The following HMGB1 variants were observed in gnomAD, a reference collection of about 807,000 sequenced individuals.
HMGB1 encodes high mobility group box 1, also known as high mobility group protein B1.
For synonymous variants in HMGB1, 81 were observed against 84.0 expected, an observed-to-expected ratio of 0.96 and a Z score of 0.19; for missense variants, 79 against 253.5, an observed-to-expected ratio of 0.31 and a Z score of 4.67.
At chr13:30,527,133 G>A (rs966515746) in intron 1 of HMGB1, among the ~76,000 whole-genome samples, 2 of 152,334 alleles carry the variant, frequency 1.3e-5, no homozygotes, top group South Asian at 2.1e-4. Flanking sequence ...TGTGCATCCG[G>A]TGCTGAACCT....
chr13:30,463,854 T>C, intron 1 of HMGB1, 160 bp from the exon 2 acceptor site: 2 of 581,308 alleles, frequency 3.4e-6, no homozygotes, highest in South Asian at 4.8e-5. Context: ...AGAGATTAAA[T>C]TCCTTGAAGG....
At chr13:30,512,495 G>C (rs17068100) in intron 1 of HMGB1, among the ~76,000 whole-genome samples, 15,156 of 152,270 alleles carry the variant, frequency 0.1, 1,125 homozygotes, top group African/African-American at 0.19. Context: ...ATGCCCTTCA[G>C]TAGTTTGATT....
At chr13:30,564,311 G>C (rs1870092954) in intron 1 of HMGB1, among the ~76,000 whole-genome samples, 1 of 150,146 alleles carries the variant, frequency 6.7e-6, no homozygotes, top group African/African-American at 2.5e-5. Flanking sequence ...ATTTAGCTGG[G>C]TTTTGGTGGC....
At chr13:30,549,699 C>T (rs1402356517) in intron 1 of HMGB1, among the ~76,000 whole-genome samples, 1 of 123,632 alleles carries the variant, frequency 8.1e-6, no homozygotes, top group Non-Finnish European at 1.7e-5. Flanking sequence ...CTGGCACAAA[C>T]ACTAATTGTT....
chr13:30,528,701 CAGGGGA>C (rs1888425886), intron 1 of HMGB1, among the ~76,000 whole-genome samples: 1 of 152,022 alleles, frequency 6.6e-6, no homozygotes, highest in East Asian at 1.9e-4. Context: ...GCGAAAGAAT[CAGGGGA>C]AACATCCTCA....
chr13:30,545,897 T>C (rs180873406), intron 1 of HMGB1, among the ~76,000 whole-genome samples: 1 of 152,106 alleles, frequency 6.6e-6, no homozygotes, highest in East Asian at 1.9e-4. Context: ...AAACGGGTTT[T>C]CAACATGTTG....
chr13:30,583,713 C>CTTGGGAGGTA (rs1871009600), intron 1 of HMGB1, among the ~76,000 whole-genome samples: 1 of 151,338 alleles, frequency 6.6e-6, no homozygotes, highest in Non-Finnish European at 1.5e-5. Flanking sequence ...GTGGCATGCA[C>CTTGGGAGGTA]CTGTAGTCTC....
At chr13:30,568,286 C>T (rs1179609410) in intron 1 of HMGB1, among the ~76,000 whole-genome samples, 1 of 152,108 alleles carries the variant, frequency 6.6e-6, no homozygotes, top group Non-Finnish European at 1.5e-5. Flanking sequence ...GTGGGAGAAT[C>T]GTTGGAGCCC....
chr13:30,554,501 T>C (rs1869587687), intron 1 of HMGB1: 2 of 1,033,684 alleles, frequency 1.9e-6, no homozygotes, highest in East Asian at 2.4e-5. Flanking sequence ...AGGAGCAAAA[T>C]GTATAAAGGT....
chr13:30,491,143 C>T (rs1887481955), intron 1 of HMGB1, among the ~76,000 whole-genome samples: 1 of 152,108 alleles, frequency 6.6e-6, no homozygotes, highest in African/African-American at 2.4e-5. Context: ...ATTCTCCTGC[C>T]TCAGCCTCCC....
intron 1 of HMGB1, among the ~76,000 whole-genome samples, chr13:30,512,188 G>T (rs543369305): frequency 7.2e-5 from 11 of 152,146 alleles, no homozygotes; most frequent in Non-Finnish European, 1.5e-4. Flanking sequence ...TAAATCAAAA[G>T]GATGCCTGCT....
intron 1 of HMGB1, among the ~76,000 whole-genome samples, chr13:30,586,909 T>C (rs1871177921): frequency 6.6e-6 from 1 of 152,208 alleles, no homozygotes; most frequent in Non-Finnish European, 1.5e-5. Flanking sequence ...ATAACTAATA[T>C]TATCATTCTT....
chr13:30,485,468 A>T (rs1228084580), intron 1 of HMGB1, among the ~76,000 whole-genome samples: 3 of 152,354 alleles, frequency 2.0e-5, no homozygotes, highest in African/African-American at 7.2e-5. Context: ...AAAGCCACCA[A>T]ACTGTGTGGT....
At chr13:30,506,232 G>A (rs1030687329) in intron 1 of HMGB1, among the ~76,000 whole-genome samples, 1 of 152,174 alleles carries the variant, frequency 6.6e-6, no homozygotes, top group Non-Finnish European at 1.5e-5. Flanking sequence ...AATGAGCTGA[G>A]TGGGCAGGGG....
chr13:30,570,356 CTT>C (rs1212717376), intron 1 of HMGB1, among the ~76,000 whole-genome samples: 1 of 152,222 alleles, frequency 6.6e-6, no homozygotes, highest in Non-Finnish European at 1.5e-5. Context: ...TCACTTATGA[CTT>C]TCCAAATGCT....
At chr13:30,533,942 G>A (rs145039882) in intron 1 of HMGB1, among the ~76,000 whole-genome samples, 2,812 of 149,270 alleles carry the variant, frequency 0.019, 88 homozygotes, top group African/African-American at 0.066. Flanking sequence ...TCGGCTCACC[G>A]CAACCTCCGC....
chr13:30,549,837 T>C (rs1869340653), intron 1 of HMGB1, among the ~76,000 whole-genome samples: 1 of 151,948 alleles, frequency 6.6e-6, no homozygotes, highest in African/African-American at 2.4e-5. Flanking sequence ...CTGCCTCAGC[T>C]TCCCGAGTAC....
chr13:30,492,922 G>A (rs1437098360), intron 1 of HMGB1, among the ~76,000 whole-genome samples: 1 of 150,254 alleles, frequency 6.7e-6, no homozygotes, highest in African/African-American at 2.5e-5. Context: ...ACCTGGGAGG[G>A]GGAGGTTGCA....
intron 1 of HMGB1, among the ~76,000 whole-genome samples, chr13:30,513,801 C>T (rs1888042800): frequency 6.6e-6 from 1 of 152,168 alleles, no homozygotes; most frequent in Admixed American, 6.6e-5. Flanking sequence ...TCCCAAAGGC[C>T]CCACTTCTCA....
Sources: allele counts gnomAD v4.1 joint callset (sites outside exome capture counted in the v4.1 genomes callset), GRCh38; gene constraint gnomAD v4.1.1; transcripts MANE v1.5; gene names NCBI Gene and HGNC (gene_info 2026-07-23, HGNC 2026-07-21).